Variants in RIMS2 observed in about 807,000 individuals in gnomAD.
The protein encoded by RIMS2 is regulating synaptic membrane exocytosis protein 2.
A neutral mutation model predicts 174.4 loss-of-function variants in RIMS2; 59 were observed. The ratio of observed to expected loss-of-function variants is 0.34; its 90% CI spans 0.27 to 0.42. The LOEUF (loss-of-function observed/expected upper bound fraction) is 0.42, where lower values mean the gene tolerates loss of function less well. RIMS2 is among the 10% of genes least tolerant of loss of function. RIMS2 has a pLI of 1.00. For synonymous variants in RIMS2, 606 were observed against 572.5 expected (o/e 1.06, Z -0.84); for missense variants, 1,620 against 1,666.3 (o/e 0.97, Z 0.48).
intron 1 of RIMS2, among the ~76,000 whole-genome samples, chr8:103,664,272 G>A (rs1050766664): frequency 6.6e-6 from 1 of 152,168 alleles, no homozygotes; most frequent in Non-Finnish European, 1.5e-5. Context: ...AGCCAAAATA[G>A]ACAAATGGGA....
chr8:103,764,673 T>C (rs2098149144), intron 2 of RIMS2, among the ~76,000 whole-genome samples: 1 of 152,164 alleles, frequency 6.6e-6, no homozygotes, highest in African/African-American at 2.4e-5. Flanking sequence ...AATACATACA[T>C]ATATTGATAT....
At chr8:104,227,932 G>A (rs1468993858) in intron 19 of RIMS2, among the ~76,000 whole-genome samples, 1 of 152,004 alleles carries the variant, frequency 6.6e-6, no homozygotes, top group Non-Finnish European at 1.5e-5. Flanking sequence ...GCATGTGATA[G>A]TGAAGCTATG....
At chr8:104,053,915 C>T (rs1159211031) in intron 19 of RIMS2, among the ~76,000 whole-genome samples, 1 of 151,916 alleles carries the variant, frequency 6.6e-6, no homozygotes, top group Non-Finnish European at 1.5e-5. Context: ...TACTAGAGGT[C>T]AGGGAAGAGG....
intron 19 of RIMS2, chr8:104,223,589 T>G: frequency 6.7e-7 from 1 of 1,496,474 alleles, no homozygotes; most frequent in Non-Finnish European, 8.9e-7. Context: ...CTGCGGACGC[T>G]GCGCCCCAGC....
At chr8:104,231,326 C>T (rs1369998562) in intron 19 of RIMS2, among the ~76,000 whole-genome samples, 1 of 151,968 alleles carries the variant, frequency 6.6e-6, no homozygotes, top group East Asian at 1.9e-4. Flanking sequence ...TTTAGCCTGA[C>T]ATTCAAGTTC....
chr8:103,755,681 C>T (rs1299329652), intron 2 of RIMS2, among the ~76,000 whole-genome samples: 1 of 152,096 alleles, frequency 6.6e-6, no homozygotes, highest in East Asian at 1.9e-4. Flanking sequence ...AGTTGATCTT[C>T]AATCTCTGAT....
intron 14 of RIMS2, among the ~76,000 whole-genome samples, chr8:103,948,698 G>A (rs996963838): frequency 6.6e-5 from 10 of 152,126 alleles, no homozygotes; most frequent in African/African-American, 2.4e-4. Context: ...AAATGGGTGT[G>A]AACAATCTTT....
chr8:103,658,537 G>GT lies in RIMS2; in HGVS notation c.177-38542dup, dbSNP rs950865864. 4.3e-4 allele frequency among the ~76,000 whole-genome samples: 66 copies of GT among 152,100 alleles called. 1 individual carries two copies. Among genetic ancestry groups the GT allele is most frequent in the Admixed American group, 1.1e-3 (17 of 15,266 alleles). Reference sequence around the variant, plus strand: ...TTGCTTGATCCAGGAGTCATTAGCTGTTTTTTTCCAAAGATCATCTGCTTC... The same window carrying GT: ...TTGCTTGATCCAGGAGTCATTAGCTGTTTTTTTTCCAAAGATCATCTGCTTC... On this transcript the variant is annotated intron_variant, in intron 1 of 23. Coordinates refer to ENST00000504942, the Ensembl canonical transcript of RIMS2.
chr8:104,110,767 A>C (rs2131707349), intron 19 of RIMS2, among the ~76,000 whole-genome samples: 1 of 152,298 alleles, frequency 6.6e-6, no homozygotes, highest in East Asian at 1.9e-4. Context: ...CCACTATCAA[A>C]TAAATTTGGG....
At chr8:103,594,064 C>T (rs1401933722) in intron 1 of RIMS2, among the ~76,000 whole-genome samples, 1 of 151,498 alleles carries the variant, frequency 6.6e-6, no homozygotes, top group Non-Finnish European at 1.5e-5. Flanking sequence ...ATATTTGCAA[C>T]CTCAAAATTA....
At chr8:104,237,177 A>G (rs962646140) in intron 19 of RIMS2, among the ~76,000 whole-genome samples, 6 of 152,204 alleles carry the variant, frequency 3.9e-5, no homozygotes, top group Non-Finnish European at 5.9e-5. Context: ...AGTTTTTAAC[A>G]GAGCTGTATT....
At chr8:104,172,504 C>T (rs567269274) in intron 19 of RIMS2, among the ~76,000 whole-genome samples, 1 of 152,264 alleles carries the variant, frequency 6.6e-6, no homozygotes, top group East Asian at 1.9e-4. Flanking sequence ...TGTCAGAACA[C>T]GGCCAAGTTC....
chr8:103,817,796 A>T (rs993793768), intron 3 of RIMS2, among the ~76,000 whole-genome samples: 3 of 152,094 alleles, frequency 2.0e-5, no homozygotes, highest in African/African-American at 7.2e-5. Flanking sequence ...TAATTAATTT[A>T]AAAATAAATA....
chr8:103,700,854 C>T (rs987020336), intron 2 of RIMS2, among the ~76,000 whole-genome samples: 2 of 151,972 alleles, frequency 1.3e-5, no homozygotes, highest in African/African-American at 2.4e-5. Flanking sequence ...TGTCAACCTT[C>T]AACTGATATT....
At position 104,231,679 on chromosome 8, in the gene RIMS2, G is replaced by A. The variant is rs114483467; in HGVS notation, c.3335-13237G>A. Among the ~76,000 whole-genome samples the A allele has an allele frequency of 4.5e-3, 689 of 152,236 alleles. 9 individuals carry two copies. The highest frequency in any genetic ancestry group is 0.016 in the African/African-American group (647 of 41,544). On this transcript the variant is annotated intron_variant, in intron 19 of 23. Transcript: ENST00000504942. ...TTTAGTTTCCTCATTTGTATGTAAA[G>A]TGTACATAACAATACCTATCTTGAT...
At chr8:103,789,347 C>T (rs1028036787) in intron 3 of RIMS2, among the ~76,000 whole-genome samples, 2 of 152,084 alleles carry the variant, frequency 1.3e-5, no homozygotes, top group Non-Finnish European at 2.9e-5. Flanking sequence ...TGTTTGGGAT[C>T]TCTCTGACTT....
At chr8:103,851,881 C>A (rs2099000408) in intron 3 of RIMS2, among the ~76,000 whole-genome samples, 1 of 151,500 alleles carries the variant, frequency 6.6e-6, no homozygotes, top group South Asian at 2.1e-4. Context: ...TTAGAAAAAT[C>A]ATTAATTGTA....
intron 19 of RIMS2, among the ~76,000 whole-genome samples, chr8:104,139,200 G>C (rs1292556108): frequency 6.6e-6 from 1 of 152,072 alleles, no homozygotes; most frequent in East Asian, 1.9e-4. Context: ...CAGATAATGT[G>C]ATTCCTCCAG....
chr8:104,039,110 G>A (rs867370114), intron 19 of RIMS2, among the ~76,000 whole-genome samples: 1 of 151,544 alleles, frequency 6.6e-6, no homozygotes, highest in East Asian at 1.9e-4. Context: ...TGAAAGCATT[G>A]GTGAATTACT....
Sources: allele counts gnomAD v4.1 joint callset (sites outside exome capture counted in the v4.1 genomes callset), GRCh38; gene constraint gnomAD v4.1.1; transcripts MANE v1.5; gene names NCBI Gene and HGNC (gene_info 2026-07-23, HGNC 2026-07-21).